The following BMPR1A variants were observed in gnomAD, a reference collection of about 807,000 sequenced individuals.
The protein encoded by BMPR1A is bone morphogenetic protein receptor type 1A.
Under a neutral mutation model 66.0 loss-of-function variants are expected in BMPR1A, and 7 were observed. That is an observed-to-expected ratio of 0.11 (90% CI 0.06 to 0.20). The LOEUF is 0.20. Ranked by LOEUF, BMPR1A falls within the 10% of genes least tolerant of loss-of-function variation. The pLI is 1.00. For missense variants in BMPR1A, 408 were observed against 669.1 expected, an observed-to-expected ratio of 0.61 and a Z score of 4.31; for synonymous variants, 200 against 229.7, an observed-to-expected ratio of 0.87 and a Z score of 1.17.
chr10:86,760,502 C>A (rs1266742515), intron 1 of BMPR1A, among the ~76,000 whole-genome samples: 1 of 152,068 alleles, frequency 6.6e-6, no homozygotes, highest in Non-Finnish European at 1.5e-5. Flanking sequence ...CCTCCCTGTG[C>A]TGGGGTTACA....
chr10:86,833,106 C>T (rs750850255), intron 1 of BMPR1A, among the ~76,000 whole-genome samples: 4 of 152,028 alleles, frequency 2.6e-5, no homozygotes, highest in Non-Finnish European at 5.9e-5. Context: ...TGAGACCTCA[C>T]CTCTAAAAGA....
At chr10:86,778,665 C>T (rs534164783) in intron 1 of BMPR1A, among the ~76,000 whole-genome samples, 2 of 152,194 alleles carry the variant, frequency 1.3e-5, no homozygotes, top group South Asian at 2.1e-4. Context: ...GCCTTCCTAC[C>T]GTAGGATAAA....
intron 1 of BMPR1A, among the ~76,000 whole-genome samples, chr10:86,770,150 G>A (rs1249404518): frequency 6.6e-6 from 1 of 152,214 alleles, no homozygotes; most frequent in Non-Finnish European, 1.5e-5. Context: ...AATTAGCTAG[G>A]CGTGGTGGCG....
rs1231585555 is a variant in BMPR1A, at chr10:86,862,991, T to C, written c.-152-12876T>C. ...TATTTGAGCTGCCTTTTTTTTTTTT[T>C]CCCCCTCTGAGACAGTCTCGCTTTG... On this transcript the variant is annotated intron_variant, in intron 2 of 12. Transcript: ENST00000372037. Among the ~76,000 whole-genome samples, 1,301 of 149,568 alleles carry C rather than the reference T, an allele frequency of 8.7e-3. 12 individuals are homozygous for C. Among genetic ancestry groups the C allele is most frequent in the African/African-American group, 0.026 (1,059 of 40,534 alleles).
At chr10:86,886,862 G>C (rs1262497259) in intron 3 of BMPR1A, among the ~76,000 whole-genome samples, 1 of 120,126 alleles carries the variant, frequency 8.3e-6, no homozygotes, top group Non-Finnish European at 1.6e-5. Flanking sequence ...ATGGATTTTC[G>C]CTCTTGTCGC....
At chr10:86,902,269 TCC>T (rs1309351901) in intron 7 of BMPR1A, among the ~76,000 whole-genome samples, 2 of 152,210 alleles carry the variant, frequency 1.3e-5, no homozygotes, top group Non-Finnish European at 2.9e-5. Context: ...GGCCTGTTTT[TCC>T]ATTGAATTGC....
rs149096675 is a variant in BMPR1A at position 86,852,427 on chromosome 10, G to T, written c.-153+13448G>T. ...TACAAAAAAAAATAAAAATTAGCCC[G>T]GCACAGTGGTGTCCCCCTGTAGCCC... On this transcript the variant is annotated intron_variant, in intron 2 of 12. Coordinates refer to ENST00000372037, the MANE Select transcript of BMPR1A (RefSeq NM_004329.3). Among the ~76,000 whole-genome samples the T allele has an allele frequency of 2.5e-3, 387 of 152,114 alleles. 1 individual carries two copies. The highest frequency in any genetic ancestry group is 9.1e-3 in the African/African-American group (379 of 41,494).
intron 9 of BMPR1A, 69 bp downstream of exon 9, chr10:86,917,395 T>C (rs1487639501): frequency 1.3e-5 from 21 of 1,561,410 alleles, no homozygotes; most frequent in Non-Finnish European, 1.8e-5. Context: ...GAAGCCTCCA[T>C]ATGTGCTTTG....
At chr10:86,881,094 T>A (rs895594885) in intron 3 of BMPR1A, among the ~76,000 whole-genome samples, 6 of 151,538 alleles carry the variant, frequency 4.0e-5, no homozygotes, top group African/African-American at 7.3e-5. Context: ...AAAAAAAAAA[T>A]TTTAATTAGC....
At chr10:86,883,643 C>T (rs1031294898) in intron 3 of BMPR1A, among the ~76,000 whole-genome samples, 6 of 148,896 alleles carry the variant, frequency 4.0e-5, no homozygotes, top group South Asian at 2.2e-4. Flanking sequence ...TGGTGGCAGG[C>T]GCCTGTATCC....
chr10:86,931,298 C>CACATATATATATATAT, downstream of BMPR1A: 14 of 90,924 alleles, frequency 1.5e-4, no homozygotes, highest in East Asian at 9.0e-4. Flanking sequence ...CACACACACA[C>CACATATATATATATAT]ATATATATAT....
At chr10:86,791,163 A>C (rs1486838608) in intron 1 of BMPR1A, among the ~76,000 whole-genome samples, 1 of 152,080 alleles carries the variant, frequency 6.6e-6, no homozygotes, top group Non-Finnish European at 1.5e-5. Context: ...AACTGACAGA[A>C]TTCCTTTTAT....
intron 9 of BMPR1A, among the ~76,000 whole-genome samples, chr10:86,918,627 C>CTTTTTT (rs71802648): frequency 7.1e-6 from 1 of 141,446 alleles, no homozygotes; most frequent in Non-Finnish European, 1.5e-5. Context: ...CTTTTCTTTT[C>CTTTTTT]TTTTTTTTTT....
intron 2 of BMPR1A, among the ~76,000 whole-genome samples, chr10:86,873,460 G>T (rs1842878929): frequency 6.6e-6 from 1 of 150,642 alleles, no homozygotes. Flanking sequence ...AAAAGATGTT[G>T]TTGGTGAATA....
chr10:86,911,033 T>C (rs2133534762), intron 7 of BMPR1A, among the ~76,000 whole-genome samples: 1 of 151,700 alleles, frequency 6.6e-6, no homozygotes, highest in Admixed American at 6.6e-5. Flanking sequence ...AACATACCAG[T>C]AGTCCCAGCC....
chr10:86,822,193 T>G (rs1165860285), intron 1 of BMPR1A, among the ~76,000 whole-genome samples: 1 of 152,186 alleles, frequency 6.6e-6, no homozygotes, highest in African/African-American at 2.4e-5. Flanking sequence ...GTGTCATGTA[T>G]TTATATACAG....
chr10:86,785,803 T>C (rs75649219), intron 1 of BMPR1A, among the ~76,000 whole-genome samples: 2,251 of 152,302 alleles, frequency 0.015, 57 homozygotes, highest in African/African-American at 0.052. Flanking sequence ...GGTGCTCTGG[T>C]TCTGCACTTG....
chr10:86,801,008 G>A (rs1404990340), intron 1 of BMPR1A, among the ~76,000 whole-genome samples: 1 of 152,242 alleles, frequency 6.6e-6, no homozygotes, highest in East Asian at 1.9e-4. Context: ...TTGCATGACA[G>A]TAATTGTAAA....
chr10:86,883,569 A>C (rs1014354829), intron 3 of BMPR1A, among the ~76,000 whole-genome samples: 1 of 145,276 alleles, frequency 6.9e-6, no homozygotes, highest in Non-Finnish European at 1.5e-5. Context: ...AAAAAAAAAA[A>C]AGACCAGCCT....
Sources: allele counts gnomAD v4.1 joint callset (sites outside exome capture counted in the v4.1 genomes callset), GRCh38; gene constraint gnomAD v4.1.1; transcripts MANE v1.5; gene names NCBI Gene and HGNC (gene_info 2026-07-23, HGNC 2026-07-21).